RBFOX1: variants seen among roughly 807,000 people sequenced by gnomAD.
RBFOX1 encodes the protein RNA binding protein fox-1 homolog 1.
In RBFOX1, 8 loss-of-function variants were observed where a neutral mutation model predicts 57.7. That is an observed-to-expected ratio of 0.14 (90% CI 0.08 to 0.25). The LOEUF (loss-of-function observed/expected upper bound fraction) is 0.25, where lower values mean the gene tolerates loss of function less well. Ranked by LOEUF, RBFOX1 falls within the 10% of genes least tolerant of loss-of-function variation. The pLI, the probability that RBFOX1 is intolerant of heterozygous loss-of-function variation, is 1.00. For missense variants in RBFOX1, 611 were observed against 548.5 expected (o/e 1.11, Z -1.14); for synonymous variants, 326 against 222.4 (o/e 1.47, Z -4.15).
intron 3 of RBFOX1, among the ~76,000 whole-genome samples, chr16:6,849,195 T>C (rs1276506090): frequency 6.6e-6 from 1 of 152,150 alleles, no homozygotes; most frequent in Non-Finnish European, 1.5e-5. Flanking sequence ...AGAGGAAAAA[T>C]TATCCACCTA....
intron 1 of RBFOX1, among the ~76,000 whole-genome samples, chr16:6,117,686 T>C (rs2096511483): frequency 6.6e-6 from 1 of 152,248 alleles, no homozygotes; most frequent in Admixed American, 6.5e-5. Context: ...CTTCCCAGCC[T>C]CCAGAACTGT....
intron 1 of RBFOX1, among the ~76,000 whole-genome samples, chr16:6,142,158 C>T (rs2096721233): frequency 6.8e-6 from 1 of 146,390 alleles, no homozygotes; most frequent in East Asian, 2.0e-4. Context: ...TTCTATATAA[C>T]CCCCTTCAGA....
intron 4 of RBFOX1, among the ~76,000 whole-genome samples, chr16:7,181,850 C>T (rs892106939): frequency 5.3e-5 from 8 of 152,232 alleles, no homozygotes; most frequent in African/African-American, 1.7e-4. Context: ...TGTGAGACAC[C>T]ATACCCGGGC....
In RBFOX1 at chr16:6,884,283, G is replaced by T. The variant is rs951360275; in HGVS notation, c.-15-167774G>T. ...TATGTGTCCAGCTTTCCAAACTCTG[G>T]GTACTGTGAAGCAACTGCAGCTCTG... On this transcript the variant is annotated intron_variant, in intron 3 of 15. Coordinates refer to ENST00000550418, the MANE Select transcript of RBFOX1 (RefSeq NM_018723.4). Among the ~76,000 whole-genome samples, 6 of 152,100 alleles carry T rather than the reference G, an allele frequency of 3.9e-5. No homozygotes were observed. The East Asian group carries it at 5.8e-4, about 15-fold the overall frequency.
At chr16:7,262,705 G>T (rs894859051) in intron 4 of RBFOX1, among the ~76,000 whole-genome samples, 1 of 152,250 alleles carries the variant, frequency 6.6e-6, no homozygotes, top group East Asian at 1.9e-4. Context: ...ATCAGCAGGT[G>T]TCTTGGTTAT....
chr16:6,311,319 A>T (rs545839812), intron 1 of RBFOX1, among the ~76,000 whole-genome samples: 1 of 146,040 alleles, frequency 6.8e-6, no homozygotes, highest in African/African-American at 2.5e-5. Context: ...AAAAAAAAGA[A>T]TAAAAGAACT....
At chr16:5,489,102 G>T (rs949394679) in intron 2 of RBFOX1, among the ~76,000 whole-genome samples, 3 of 152,176 alleles carry the variant, frequency 2.0e-5, no homozygotes, top group Non-Finnish European at 4.4e-5. Context: ...AGTGTCAGAC[G>T]CTGCCTGTCC....
At chr16:6,788,187 A>C (rs1603623833) in intron 3 of RBFOX1, among the ~76,000 whole-genome samples, 1 of 152,130 alleles carries the variant, frequency 6.6e-6, no homozygotes, top group Non-Finnish European at 1.5e-5. Context: ...GTGCCAGTGC[A>C]CTCCAGCCTG....
intron 2 of RBFOX1, among the ~76,000 whole-genome samples, chr16:6,620,885 A>G (rs998231855): frequency 1.3e-5 from 2 of 152,224 alleles, no homozygotes; most frequent in African/African-American, 4.8e-5. Flanking sequence ...TTAGTTTGAT[A>G]GGACTGCCTT....
chr16:6,084,162 A>G (rs1034321838), intron 1 of RBFOX1, among the ~76,000 whole-genome samples: 1 of 152,208 alleles, frequency 6.6e-6, no homozygotes, highest in African/African-American at 2.4e-5. Flanking sequence ...GCAGTCATTG[A>G]GAGAGCACGT....
chr16:6,564,576 A>T (rs2097231256), intron 2 of RBFOX1, among the ~76,000 whole-genome samples: 1 of 152,192 alleles, frequency 6.6e-6, no homozygotes, highest in Non-Finnish European at 1.5e-5. Flanking sequence ...GATCTCACTG[A>T]TATATGGAAT....
intron 4 of RBFOX1, among the ~76,000 whole-genome samples, chr16:7,132,688 A>G (rs573109249): frequency 2.2e-4 from 34 of 152,262 alleles, no homozygotes; most frequent in Admixed American, 1.4e-3. Flanking sequence ...TTCAGCATGG[A>G]TATTCCTTGA....
intron 4 of RBFOX1, among the ~76,000 whole-genome samples, chr16:5,888,423 C>A (rs888507169): frequency 4.6e-5 from 7 of 152,168 alleles, no homozygotes; most frequent in East Asian, 1.9e-4. Flanking sequence ...TATGATAGTT[C>A]CCTGAGAGTC....
chr16:6,498,155 G>A (rs896141003), intron 2 of RBFOX1, among the ~76,000 whole-genome samples: 1 of 151,632 alleles, frequency 6.6e-6, no homozygotes, highest in Non-Finnish European at 1.5e-5. Flanking sequence ...GGAAGGCTGA[G>A]GCACGAGAAT....
chr16:5,913,339 C>G (rs536890590), intron 4 of RBFOX1, among the ~76,000 whole-genome samples: 1 of 152,120 alleles, frequency 6.6e-6, no homozygotes, highest in Non-Finnish European at 1.5e-5. Context: ...AAATCTCATT[C>G]GGAAATGTGA....
chr16:6,439,573 AC>A (rs2094323223), intron 2 of RBFOX1, among the ~76,000 whole-genome samples: 1 of 152,108 alleles, frequency 6.6e-6, no homozygotes, highest in Admixed American at 6.6e-5. Context: ...GGAAGTGTTG[AC>A]TGGAGTTCAG....
At chr16:7,336,238 A>T (rs1295042415) in intron 4 of RBFOX1, among the ~76,000 whole-genome samples, 1 of 152,164 alleles carries the variant, frequency 6.6e-6, no homozygotes, top group African/African-American at 2.4e-5. Flanking sequence ...TAACCAAAAC[A>T]ACAGCTTTGT....
intron 1 of RBFOX1, among the ~76,000 whole-genome samples, chr16:5,393,166 C>T (rs901887375): frequency 1.3e-5 from 2 of 152,100 alleles, no homozygotes; most frequent in Non-Finnish European, 2.9e-5. Flanking sequence ...GCCCCCTCAT[C>T]CTTTCTCTGA....
intron 4 of RBFOX1, among the ~76,000 whole-genome samples, chr16:7,076,537 C>G (rs1446923038): frequency 6.6e-6 from 1 of 152,120 alleles, no homozygotes; most frequent in Non-Finnish European, 1.5e-5. Context: ...TCCCTTCTCA[C>G]TTGACTCAAA....
Sources: allele counts gnomAD v4.1 joint callset (sites outside exome capture counted in the v4.1 genomes callset), GRCh38; gene constraint gnomAD v4.1.1; transcripts MANE v1.5; gene names NCBI Gene and HGNC (gene_info 2026-07-23, HGNC 2026-07-21).